Variants in SIPA1L3 observed in about 807,000 individuals in gnomAD.
SIPA1L3 encodes the protein signal induced proliferation associated 1 like 3.
A neutral mutation model predicts 150.1 loss-of-function variants in SIPA1L3; 59 were observed. The observed-to-expected ratio is 0.39, with a 90% CI of 0.32 to 0.49. The LOEUF (loss-of-function observed/expected upper bound fraction) is 0.49. Among genes scored for constraint, SIPA1L3 ranks in the 20% least tolerant of loss-of-function variants. The probability of loss-of-function intolerance (pLI) is 0.86; values close to 1 mark genes in which losing one functional copy is unlikely to be tolerated. For missense variants in SIPA1L3, 2,211 were observed against 2,489.5 expected, an observed-to-expected ratio of 0.89 and a Z score of 2.38; for synonymous variants, 1,070 against 1,077.6, an observed-to-expected ratio of 0.99 and a Z score of 0.14.
chr19:37,999,388 G>A (rs1967728254), intron 1 of SIPA1L3, among the ~76,000 whole-genome samples: 1 of 152,170 alleles, frequency 6.6e-6, no homozygotes, highest in African/African-American at 2.4e-5. Flanking sequence ...CTTCCACAAT[G>A]ACTAAATATT....
chr19:37,916,780 T>C (rs1348671702), intron 1 of SIPA1L3, among the ~76,000 whole-genome samples: 1 of 152,132 alleles, frequency 6.6e-6, no homozygotes, highest in South Asian at 2.1e-4. Context: ...GCCAACATGG[T>C]GAAATCCCAT....
At chr19:37,935,059 T>A (rs1339639065) in intron 1 of SIPA1L3, among the ~76,000 whole-genome samples, 3 of 152,194 alleles carry the variant, frequency 2.0e-5, no homozygotes, top group Non-Finnish European at 4.4e-5. Context: ...CCTTGTTAAG[T>A]TCTAGGCCTT....
chr19:38,197,269 G>A (rs1972980845), intron 18 of SIPA1L3, among the ~76,000 whole-genome samples: 1 of 152,076 alleles, frequency 6.6e-6, no homozygotes, highest in Non-Finnish European at 1.5e-5. Context: ...TGTGTCTTCT[G>A]GTCTCTCTGT....
chr19:38,085,479 CA>C (rs1169340957), intron 3 of SIPA1L3, among the ~76,000 whole-genome samples: 6,571 of 66,094 alleles, frequency 0.099, 275 homozygotes, highest in African/African-American at 0.27. Flanking sequence ...GACTCCGTCT[CA>C]AAAAAAAAAA....
Position 37,981,223 on chromosome 19 carries a change from A to C in SIPA1L3, c.-378-47866A>C, listed in dbSNP as rs528436800. 2.6e-5 allele frequency among the ~76,000 whole-genome samples: 4 copies of C among 152,210 alleles called. No individual in the cohort carries two copies. The East Asian group carries it at 7.7e-4, about 29-fold the overall frequency. ...TGAAGCGGAAGGATTGCTTGAGACC[A>C]GGAGTTCAAGACCAGCCTGGAGAAT... On this transcript the variant is annotated intron_variant, in intron 1 of 21. Coordinates refer to ENST00000222345, the MANE Select transcript of SIPA1L3 (RefSeq NM_015073.3).
chr19:38,191,739 G>GA (rs11440486), intron 16 of SIPA1L3, among the ~76,000 whole-genome samples: 101,207 of 151,856 alleles, frequency 0.67, 34,758 homozygotes, highest in African/African-American at 0.84. Context: ...TTGAACCCAG[G>GA]GGCAGAGGTT....
chr19:38,056,784 C>A (rs1015720717), intron 2 of SIPA1L3, among the ~76,000 whole-genome samples: 1 of 152,136 alleles, frequency 6.6e-6, no homozygotes, highest in African/African-American at 2.4e-5. Flanking sequence ...TGGAAAGGGG[C>A]CAGGCGTGGT....
At chr19:38,034,298 G>A (rs1599932740) in intron 2 of SIPA1L3, among the ~76,000 whole-genome samples, 1 of 152,178 alleles carries the variant, frequency 6.6e-6, no homozygotes, top group South Asian at 2.1e-4. Flanking sequence ...CTGACTCTGT[G>A]CCAAGCCCTG....
chr19:38,013,254 T>A (rs1204652645), intron 1 of SIPA1L3, among the ~76,000 whole-genome samples: 1 of 152,138 alleles, frequency 6.6e-6, no homozygotes, highest in Non-Finnish European at 1.5e-5. Context: ...TACAAGAAGG[T>A]AAAAGTTGAC....
intron 1 of SIPA1L3, among the ~76,000 whole-genome samples, chr19:37,982,902 G>A (rs1967237496): frequency 6.6e-6 from 1 of 152,178 alleles, no homozygotes; most frequent in South Asian, 2.1e-4. Context: ...GGCTATTCAG[G>A]ACCCACCTTA....
intron 20 of SIPA1L3, 138 bp downstream of exon 20, chr19:38,202,135 C>G (rs979785917): frequency 1.2e-4 from 94 of 767,124 alleles, no homozygotes; most frequent in Middle Eastern, 2.8e-4. Context: ...GCTACTCCCC[C>G]CTCCTAACAG....
chr19:38,108,859 C>T (rs562147854), intron 7 of SIPA1L3, among the ~76,000 whole-genome samples: 1 of 152,152 alleles, frequency 6.6e-6, no homozygotes, highest in Non-Finnish European at 1.5e-5. Context: ...CGTGGTGGCG[C>T]ATGCCTGTAA....
chr19:37,912,328 C>T (rs2046383535), intron 1 of SIPA1L3, among the ~76,000 whole-genome samples: 1 of 152,062 alleles, frequency 6.6e-6, no homozygotes, highest in South Asian at 2.1e-4. Flanking sequence ...GGTCTGGGTT[C>T]ACACTGTGAC....
chr19:38,197,493 C>T (rs994145450), intron 18 of SIPA1L3, among the ~76,000 whole-genome samples: 2 of 152,032 alleles, frequency 1.3e-5, no homozygotes, highest in Non-Finnish European at 2.9e-5. Context: ...CCACGGCAAC[C>T]CCACCCCGTG....
chr19:38,054,792 C>T (rs371584422), intron 2 of SIPA1L3, among the ~76,000 whole-genome samples: 1 of 152,122 alleles, frequency 6.6e-6, no homozygotes, highest in Non-Finnish European at 1.5e-5. Flanking sequence ...CCACTGTTGT[C>T]GTCCCCACTT....
At chr19:38,201,288 A>C (rs1973081746) in intron 19 of SIPA1L3, among the ~76,000 whole-genome samples, 1 of 152,250 alleles carries the variant, frequency 6.6e-6, no homozygotes, top group African/African-American at 2.4e-5. Context: ...AGGTGCCCCC[A>C]GTGCCAGTCA....
intron 7 of SIPA1L3, 48 bp downstream of exon 7, chr19:38,106,688 C>T (rs768320706): frequency 7.6e-7 from 1 of 1,316,766 alleles, no homozygotes; most frequent in South Asian, 1.2e-5. Context: ...TGGCTGCCCA[C>T]CCACCAGCAT....
rs776244323 is a variant in SIPA1L3 at position 38,193,629 on chromosome 19, A to G, written c.4689A>G (p.Leu1563=). Residue 1563 remains leucine, a synonymous_variant, in exon 18 of 22, where the codon CTA becomes CTG. Coordinates refer to ENST00000222345, the MANE Select transcript of SIPA1L3 (RefSeq NM_015073.3). ...REPSFASPAG[L]EPGLPSDVLF... ...CCAGCTTCGCCAGCCCCGCTGGCCT[A>G]GAGCCAGGGCTGCCCAGCGACGTGC... 1.3e-6 allele frequency: 2 copies of G among 1,576,924 alleles called. No individual in the cohort carries two copies. Among genetic ancestry groups the G allele is most frequent in the African/African-American group, 1.4e-5 (1 of 73,190 alleles).
At position 38,046,710 on chromosome 19, in the gene SIPA1L3, G is replaced by A. The variant is rs113372592; in HGVS notation, c.-311+17554G>A. On this transcript the variant is annotated intron_variant, in intron 2 of 21. Transcript: ENST00000222345. The surrounding 1 kb of genome is among the most constrained non-coding windows in gnomAD (Gnocchi z 5.6). ...GGGTGTGGAGGGGCCCAGGTCCCCC[G>A]AGCAGCTCCTCTGACCCCGCAACCC... is the stretch of plus-strand genomic sequence containing the variant. Among the ~76,000 whole-genome samples, 5 of 152,286 alleles carry A rather than the reference G, an allele frequency of 3.3e-5. No individual in the cohort carries two copies. Among genetic ancestry groups the A allele is most frequent in the African/African-American group, 7.2e-5 (3 of 41,556 alleles).
Sources: gnomAD v4.1 joint callset for allele counts (sites outside exome capture counted in the v4.1 genomes callset) on GRCh38, gnomAD v4.1.1 for gene constraint, Gnocchi (gnomAD v3.1) non-coding constraint, MANE v1.5 for transcripts, NCBI Gene and HGNC (gene_info 2026-07-23, HGNC 2026-07-21) for gene names.